Variants in SCAPER observed in about 807,000 individuals in gnomAD.
SCAPER encodes the protein S phase cyclin A-associated protein in the endoplasmic reticulum.
Under a neutral mutation model 182.2 loss-of-function variants are expected in SCAPER, and 98 were observed. That is an observed-to-expected ratio of 0.54 (90% CI 0.46 to 0.64). The LOEUF is 0.64. Ranked by LOEUF, SCAPER falls within the 30% of genes least tolerant of loss-of-function variation. The probability of loss-of-function intolerance (pLI) is 0.00; values close to 1 mark genes in which losing one functional copy is unlikely to be tolerated. For missense variants in SCAPER, 1,432 were observed against 1,690.0 expected (o/e 0.85, Z 2.68); for synonymous variants, 605 against 564.6 (o/e 1.07, Z -1.01).
In SCAPER at chr15:76,795,293, G is replaced by A. The variant is rs763351133; in HGVS notation, c.759C>T (p.Ala253=). 33 of 1,609,304 alleles carry A rather than the reference G, an allele frequency of 2.1e-5. No individual in the cohort carries two copies. The highest frequency in any genetic ancestry group is 2.7e-5 in the Non-Finnish European group (32 of 1,177,534). Residue 253 remains alanine, a synonymous_variant, in exon 8 of 32, where the codon GCC becomes GCT. Coordinates refer to ENST00000563290, the MANE Select transcript of SCAPER (RefSeq NM_020843.4). ...QSCPPMTVQK[A]SRKNERKDAE... Reference sequence around the variant, plus strand: ...GAAGTCACTTGCCATTTTTGCGTGAGGCCTTCTGCACTGTCATTGGTGGGC... The same window carrying A: ...GAAGTCACTTGCCATTTTTGCGTGAAGCCTTCTGCACTGTCATTGGTGGGC...
chr15:76,510,473 G>C (rs2041932323), intron 23 of SCAPER, among the ~76,000 whole-genome samples: 1 of 152,008 alleles, frequency 6.6e-6, no homozygotes, highest in Admixed American at 6.6e-5. Context: ...ATATACAAAT[G>C]GCCAATAAAC....
intron 25 of SCAPER, among the ~76,000 whole-genome samples, chr15:76,447,106 G>T (rs1056780442): frequency 3.3e-5 from 5 of 152,112 alleles, no homozygotes; most frequent in African/African-American, 4.8e-5. Context: ...ATCACCAATG[G>T]CTAATGATTT....
intron 26 of SCAPER, among the ~76,000 whole-genome samples, chr15:76,418,708 C>T (rs182266201): frequency 6.6e-6 from 1 of 152,374 alleles, no homozygotes; most frequent in East Asian, 1.9e-4. Flanking sequence ...GTGTCTGAAC[C>T]CAGGTGGCAT....
At chr15:76,527,802 C>T (rs2043318130) in intron 23 of SCAPER, among the ~76,000 whole-genome samples, 1 of 152,204 alleles carries the variant, frequency 6.6e-6, no homozygotes, top group South Asian at 2.1e-4. Context: ...TTGTTTTTGA[C>T]AGCCTATGTC....
chr15:76,780,053 C>T (rs1168010931), intron 8 of SCAPER, among the ~76,000 whole-genome samples: 1 of 152,122 alleles, frequency 6.6e-6, no homozygotes, highest in South Asian at 2.1e-4. Context: ...CCACAAAAGG[C>T]GAGCCAAAGC....
At chr15:76,576,716 GCAGA>G (rs79851567) in intron 22 of SCAPER, 2 of 152,166 alleles carry the variant, frequency 1.3e-5, no homozygotes, top group South Asian at 4.1e-4. Flanking sequence ...ACCCTGTGGT[GCAGA>G]CAGAGAGTCT....
At chr15:76,398,808 TC>T (rs1345131085) in intron 27 of SCAPER, among the ~76,000 whole-genome samples, 2 of 152,236 alleles carry the variant, frequency 1.3e-5, no homozygotes, top group African/African-American at 4.8e-5. Context: ...TTTTATAAGT[TC>T]CTCTCTTCAG....
chr15:76,615,454 T>C (rs1191055532), intron 22 of SCAPER, among the ~76,000 whole-genome samples: 1 of 143,022 alleles, frequency 7.0e-6, no homozygotes, highest in East Asian at 2.1e-4. Flanking sequence ...CAAAAACAAA[T>C]GTGTCTGTAT....
At chr15:76,737,662 T>C (rs950529769) in intron 15 of SCAPER, among the ~76,000 whole-genome samples, 1 of 152,256 alleles carries the variant, frequency 6.6e-6, no homozygotes, top group Non-Finnish European at 1.5e-5. Flanking sequence ...AAGTCCTAGA[T>C]GGCATCTTCT....
intron 27 of SCAPER, among the ~76,000 whole-genome samples, chr15:76,389,226 C>T (rs893557023): frequency 1.3e-5 from 2 of 151,922 alleles, no homozygotes; most frequent in Middle Eastern, 6.8e-3. Flanking sequence ...ATAGGCCAGG[C>T]ATAGTGGCTC....
chr15:76,597,181 A>G (rs2145745198), intron 22 of SCAPER, among the ~76,000 whole-genome samples: 1 of 122,144 alleles, frequency 8.2e-6, no homozygotes, highest in African/African-American at 2.5e-5. Context: ...AGAGAGTCAA[A>G]TCATGAGTGA....
At chr15:76,756,517 G>A (rs1017584388) in intron 14 of SCAPER, among the ~76,000 whole-genome samples, 3 of 152,130 alleles carry the variant, frequency 2.0e-5, no homozygotes, top group African/African-American at 7.2e-5. Context: ...GTTCTAGGCT[G>A]CAGTGAGCTA....
At chr15:76,832,295 C>G (rs115947496) in intron 5 of SCAPER, among the ~76,000 whole-genome samples, 3 of 152,108 alleles carry the variant, frequency 2.0e-5, no homozygotes, top group Admixed American at 6.5e-5. Flanking sequence ...CCAAACTGAA[C>G]TTCTGGAAAT....
At chr15:76,665,610 T>A (rs763943198) in intron 21 of SCAPER, 43 bp downstream of exon 21, 25 of 1,537,118 alleles carry the variant, frequency 1.6e-5, no homozygotes, top group Non-Finnish European at 4.4e-6. Flanking sequence ...AAAAGATACA[T>A]CACTAAAAGT....
At position 76,434,128 on chromosome 15, in the gene SCAPER, G is replaced by C; in HGVS notation, c.3261C>G (p.Asn1087Lys). 1 of 1,613,948 alleles carries C rather than the reference G, an allele frequency of 6.2e-7. No homozygotes were observed. The highest frequency in any genetic ancestry group is 8.5e-7 in the Non-Finnish European group (1 of 1,179,860). The change falls in exon 26 of 32, where the codon AAC becomes AAG. Residue 1087 changes from asparagine to lysine, a missense_variant. Around this residue, in one of 5 missense-constraint regions of SCAPER, gnomAD observed 718 missense variants for 799.7 expected, o/e 0.90. Transcript: ENST00000563290. ...TAAAAGGATCACCTTGTGAGGGTTT[G>C]TTTTTCATTTCCTGTGTTGGTATTT... is the stretch of plus-strand genomic sequence containing the variant. ...TPKIPTQEMK[N>K]KPSQGDPFNN...
At chr15:76,619,282 T>C (rs1359906462) in intron 22 of SCAPER, among the ~76,000 whole-genome samples, 1 of 152,266 alleles carries the variant, frequency 6.6e-6, no homozygotes, top group African/African-American at 2.4e-5. Context: ...TGTGTGTTTA[T>C]TCTTTATTAC....
intron 4 of SCAPER, among the ~76,000 whole-genome samples, chr15:76,855,482 A>C (rs1482176301): frequency 6.8e-6 from 1 of 147,640 alleles, no homozygotes; most frequent in African/African-American, 2.5e-5. Flanking sequence ...AAAAAAAGTA[A>C]ACAACTTACA....
chr15:76,448,121 C>G (rs1275374016), intron 25 of SCAPER, among the ~76,000 whole-genome samples: 1 of 152,004 alleles, frequency 6.6e-6, no homozygotes, highest in Non-Finnish European at 1.5e-5. Flanking sequence ...ACAGGCCCTG[C>G]TATACTGAGG....
chr15:76,619,155 T>C (rs1292148008), intron 22 of SCAPER, among the ~76,000 whole-genome samples: 7 of 152,230 alleles, frequency 4.6e-5, no homozygotes, highest in Admixed American at 4.6e-4. Context: ...GTGTTTCTAT[T>C]ACTATAAACT....
Sources: allele counts gnomAD v4.1 joint callset (sites outside exome capture counted in the v4.1 genomes callset), GRCh38; gene constraint gnomAD v4.1.1; regional missense constraint gnomAD v4.1.1; transcripts MANE v1.5; gene names NCBI Gene and HGNC (gene_info 2026-07-23, HGNC 2026-07-21).